GRAMD2A: variants seen among roughly 807,000 people sequenced by gnomAD.
GRAMD2A encodes the protein GRAM domain-containing protein 2A.
In GRAMD2A, 37 loss-of-function variants were observed where a neutral mutation model predicts 51.1. The observed-to-expected ratio is 0.72, with a 90% confidence interval of 0.56 to 0.95. The LOEUF (loss-of-function observed/expected upper bound fraction) is 0.95, where lower values mean the gene tolerates loss of function less well. Ranked by LOEUF, GRAMD2A falls within the 40% of genes least tolerant of loss-of-function variation. The pLI is 0.00. For missense variants in GRAMD2A, 414 were observed against 426.9 expected (o/e 0.97, Z 0.27); for synonymous variants, 136 against 157.1 (o/e 0.87, Z 1.01).
chr15:72,168,821 T>C, intron 3 of GRAMD2A, 118 bp downstream of exon 3: 1 of 926,832 alleles, frequency 1.1e-6, no homozygotes, highest in Admixed American at 1.8e-5. Flanking sequence ...GGATACACAC[T>C]CAGGTCTCCT....
intron 1 of GRAMD2A, among the ~76,000 whole-genome samples, chr15:72,174,501 C>T (rs1413741481): frequency 6.6e-6 from 1 of 152,152 alleles, no homozygotes; most frequent in Non-Finnish European, 1.5e-5. Context: ...TGTCAGGAGT[C>T]CTGGAAGCCA....
Position 72,163,654 on chromosome 15 carries a change from G to A in GRAMD2A, c.704C>T (p.Ser235Phe). The change falls in exon 9 of 12, where the codon TCC (serine) becomes TTC (phenylalanine). Residue 235 changes from serine (S) to phenylalanine (F), a missense_variant. Ser to Phe is a radical substitution (Grantham distance 155). Transcript: ENST00000309731. ...IPCIPPSSVD[S>F]TDSFFPSRKP... ...CCTGGAGGGGAAGAAACTGTCTGTGGAGTCCACGGATGATGGAGGGATACA... is the reference window on the plus strand; with the variant it reads ...CCTGGAGGGGAAGAAACTGTCTGTGAAGTCCACGGATGATGGAGGGATACA... 1 of 1,607,304 alleles carries A rather than the reference G, an allele frequency of 6.2e-7. No homozygotes were observed. The highest frequency in any genetic ancestry group is 1.1e-5 in the South Asian group (1 of 89,374).
intron 1 of GRAMD2A, among the ~76,000 whole-genome samples, chr15:72,175,172 TC>T: frequency 6.6e-6 from 1 of 151,502 alleles, no homozygotes; most frequent in South Asian, 2.1e-4. Context: ...AGCCCTCAGG[TC>T]CCCCCCAAGA....
At position 72,188,858 on chromosome 15, in the gene GRAMD2A, A is replaced by C. The variant is rs373403847; in HGVS notation, c.41+8873T>G. ...CCACCTCAGCCAGCTAAATTTTTGTATATTTAGTAGAGATGGAGTTTTGCC... is the reference window on the plus strand; with the variant it reads ...CCACCTCAGCCAGCTAAATTTTTGTCTATTTAGTAGAGATGGAGTTTTGCC... On this transcript the variant is annotated intron_variant, in intron 1 of 11. Transcript: ENST00000309731. Among the ~76,000 whole-genome samples the C allele has an allele frequency of 7.8e-4, 118 of 152,106 alleles. 1 individual carries two copies. Among genetic ancestry groups the C allele is most frequent in the Middle Eastern group, 3.4e-3 (1 of 294 alleles).
rs2081542222 is a variant in GRAMD2A at position 72,166,171 on chromosome 15, C to T, written c.543+461G>A. On this transcript the variant is annotated intron_variant, in intron 7 of 11. Transcript: ENST00000309731. The surrounding 1 kb of genome is among the most constrained non-coding windows in gnomAD (Gnocchi z 4.1). ...CAGCCATTGTTTTTCACATTCAGTACAGGATTCAATAAGTTATATAAGATG... is the reference window on the plus strand; with the variant it reads ...CAGCCATTGTTTTTCACATTCAGTATAGGATTCAATAAGTTATATAAGATG... Among the ~76,000 whole-genome samples the T allele has an allele frequency of 6.6e-6, 1 of 152,172 alleles. No homozygotes were observed. The highest frequency in any genetic ancestry group is 2.4e-5 in the African/African-American group (1 of 41,444).
At chr15:72,195,921 A>G (rs894826192) in intron 1 of GRAMD2A, among the ~76,000 whole-genome samples, 4 of 151,640 alleles carry the variant, frequency 2.6e-5, no homozygotes, top group South Asian at 4.2e-4. Context: ...ACTCCGTCTC[A>G]AAAAAAAAGA....
In GRAMD2A at chr15:72,190,102, C is replaced by T. The variant is rs556587344; in HGVS notation, c.41+7629G>A. Among the ~76,000 whole-genome samples the T allele has an allele frequency of 1.2e-4, 18 of 152,278 alleles. No homozygotes were observed. The East Asian group carries it at 2.5e-3, about 21-fold the overall frequency. ...AAGTTCTAATAGTCAATTAGCTGGGCGTGGTGGCTCACGCCTGTAATCCCA... is the reference window on the plus strand; with the variant it reads ...AAGTTCTAATAGTCAATTAGCTGGGTGTGGTGGCTCACGCCTGTAATCCCA... On this transcript the variant is annotated intron_variant, in intron 1 of 11. Transcript: ENST00000309731.
chr15:72,165,912 AG>A (rs1878669238), intron 7 of GRAMD2A, among the ~76,000 whole-genome samples: 1 of 151,600 alleles, frequency 6.6e-6, no homozygotes, highest in South Asian at 2.1e-4. Context: ...CTTGTCACCC[AG>A]GCTGGAGGGC....
At chr15:72,185,633 A>G (rs145806314) in intron 1 of GRAMD2A, among the ~76,000 whole-genome samples, 6 of 152,402 alleles carry the variant, frequency 3.9e-5, no homozygotes, top group African/African-American at 1.4e-4. Context: ...TTGCCTTACC[A>G]GATGTCAGAA....
At chr15:72,189,940 A>G (rs2081756515) in intron 1 of GRAMD2A, among the ~76,000 whole-genome samples, 1 of 152,158 alleles carries the variant, frequency 6.6e-6, no homozygotes, top group South Asian at 2.1e-4. Flanking sequence ...ATATCAAGAA[A>G]CTCCATATAA....
chr15:72,163,613 C>T lies in GRAMD2A; in HGVS notation c.745G>A (p.Glu249Lys), dbSNP rs2081506307. Residue 249 changes from glutamate to lysine, a missense_variant and splice_region_variant, in exon 9 of 12, where the codon GAA (glutamate) becomes AAA (lysine). Coordinates refer to ENST00000309731, the MANE Select transcript of GRAMD2A (RefSeq NM_001012642.3). ...CATGGACAAGCCCTCCCGAACTTAC[C>T]AGACATTGGAGGCTTCCTGGAGGGG... ...FFPSRKPPMS[E>K]KSRAQVASEN... 2 of 1,594,820 alleles carry T rather than the reference C, an allele frequency of 1.3e-6. No individual in the cohort carries two copies. The highest frequency in any genetic ancestry group is 1.8e-5 in the Admixed American group (1 of 54,328).
At chr15:72,169,427 C>T (rs991913539) in intron 2 of GRAMD2A, 2 of 507,482 alleles carry the variant, frequency 3.9e-6, no homozygotes, top group Non-Finnish European at 7.6e-6. Flanking sequence ...AGCGCCGGGG[C>T]CTGGCCACAG....
chr15:72,189,437 T>C (rs1452249896), intron 1 of GRAMD2A, among the ~76,000 whole-genome samples: 1 of 152,246 alleles, frequency 6.6e-6, no homozygotes. Context: ...GTTGTGATAC[T>C]GTTCTATTGC....
chr15:72,167,332 G>A (rs1445767592), intron 5 of GRAMD2A, among the ~76,000 whole-genome samples: 3 of 152,208 alleles, frequency 2.0e-5, no homozygotes, highest in Non-Finnish European at 4.4e-5. Context: ...TATGATCCCT[G>A]TTATCCAGGA....
chr15:72,180,004 C>T (rs377165618), intron 1 of GRAMD2A, among the ~76,000 whole-genome samples: 20 of 152,232 alleles, frequency 1.3e-4, no homozygotes, highest in African/African-American at 4.1e-4. Context: ...CTCGGAGGCA[C>T]GACCCAACTT....
At chr15:72,191,392 A>C (rs1266360037) in intron 1 of GRAMD2A, among the ~76,000 whole-genome samples, 1 of 152,114 alleles carries the variant, frequency 6.6e-6, no homozygotes, top group Non-Finnish European at 1.5e-5. Flanking sequence ...TAGTAGAGAC[A>C]GGGTTTCACC....
Position 72,189,201 on chromosome 15 carries a change from C to A in GRAMD2A, c.41+8530G>T, listed in dbSNP as rs559078752. On this transcript the variant is annotated intron_variant, in intron 1 of 11. Coordinates refer to ENST00000309731, the MANE Select transcript of GRAMD2A (RefSeq NM_001012642.3). ...CGATATTATTAATGAATAGACACCT[C>A]TGAAATTCAAAATTCCTAAAATCTC... 4.5e-4 allele frequency among the ~76,000 whole-genome samples: 69 copies of A among 152,318 alleles called. 1 individual carries two copies. In the South Asian group the frequency reaches 0.014, roughly 31 times the overall value.
At chr15:72,193,119 T>G (rs1338973637) in intron 1 of GRAMD2A, among the ~76,000 whole-genome samples, 1 of 151,830 alleles carries the variant, frequency 6.6e-6, no homozygotes, top group Non-Finnish European at 1.5e-5. Flanking sequence ...AGAGTGACAG[T>G]TCGTCTCAAA....
chr15:72,167,732 C>G lies in GRAMD2A; in HGVS notation c.372+4G>C. Reference sequence around the variant, plus strand: ...TCATGGCAGCCCTCACCACTCATTACTACCTTGATATCCTTGCCAAAGAGG... The same window carrying G: ...TCATGGCAGCCCTCACCACTCATTAGTACCTTGATATCCTTGCCAAAGAGG... On this transcript the variant is annotated splice_donor_region_variant and intron_variant, in intron 5 of 11. Coordinates refer to ENST00000309731, the MANE Select transcript of GRAMD2A (RefSeq NM_001012642.3). 6.2e-7 allele frequency: 1 copy of G among 1,609,956 alleles called. No individual in the cohort carries two copies. Among genetic ancestry groups the G allele is most frequent in the Non-Finnish European group, 8.5e-7 (1 of 1,176,242 alleles).
Sources: gnomAD v4.1 joint callset for allele counts (sites outside exome capture counted in the v4.1 genomes callset) on GRCh38, gnomAD v4.1.1 for gene constraint, Gnocchi (gnomAD v3.1) non-coding constraint, MANE v1.5 for transcripts, NCBI Gene and HGNC (gene_info 2026-07-23, HGNC 2026-07-21) for gene names.